HS3ST2: variants seen among roughly 807,000 people sequenced by gnomAD.
The protein encoded by HS3ST2 is heparan sulfate glucosamine 3-O-sulfotransferase 2.
In HS3ST2, 17 loss-of-function variants were observed where a neutral mutation model predicts 26.3. The ratio of observed to expected loss-of-function variants is 0.65; its 90% CI spans 0.44 to 0.97. The LOEUF (loss-of-function observed/expected upper bound fraction) is 0.97. Among genes scored for constraint, HS3ST2 ranks in the 50% least tolerant of loss-of-function variants. HS3ST2 has a pLI of 0.00. For synonymous variants in HS3ST2, 237 were observed against 219.2 expected (o/e 1.08, Z -0.72); for missense variants, 402 against 501.2 (o/e 0.80, Z 1.89).
At position 22,830,117 on chromosome 16, in the gene HS3ST2, G is replaced by A. The variant is rs937231134; in HGVS notation, c.485+15022G>A. On this transcript the variant is annotated intron_variant, in intron 1 of 1. Transcript: ENST00000261374. Reference sequence around the variant, plus strand: ...CATTCATGTACATGCCCACAGACTCGCTGTAGGATGTTGAGTTTGTGATGC... The same window carrying A: ...CATTCATGTACATGCCCACAGACTCACTGTAGGATGTTGAGTTTGTGATGC... 1.3e-4 allele frequency among the ~76,000 whole-genome samples: 20 copies of A among 150,060 alleles called. No individual in the cohort carries two copies. In the South Asian group the frequency reaches 3.2e-3, roughly 24 times the overall value.
chr16:22,886,379 C>CT (rs1902058571), intron 1 of HS3ST2, among the ~76,000 whole-genome samples: 1 of 152,112 alleles, frequency 6.6e-6, no homozygotes, highest in South Asian at 2.1e-4. Context: ...GACACAGGGC[C>CT]TGGATGACCC....
At position 22,909,856 on chromosome 16, in the gene HS3ST2, C is replaced by T. The variant is rs540767181; in HGVS notation, c.486-5088C>T. On this transcript the variant is annotated intron_variant, in intron 1 of 1. Coordinates refer to ENST00000261374, the MANE Select transcript of HS3ST2 (RefSeq NM_006043.2). The stretch of plus-strand genomic sequence containing the variant: ...GGAGTTCGAGACCAGCCTGACCAAC[C>T]TGGTGAAACCCTGTCTACTAAATAC... 1.1e-4 allele frequency among the ~76,000 whole-genome samples: 17 copies of T among 152,044 alleles called. No homozygotes were observed. The South Asian group carries it at 3.5e-3, about 32-fold the overall frequency.
At chr16:22,874,074 G>C (rs1901875999) in intron 1 of HS3ST2, among the ~76,000 whole-genome samples, 1 of 152,182 alleles carries the variant, frequency 6.6e-6, no homozygotes, top group South Asian at 2.1e-4. Flanking sequence ...CAAGTCTGGA[G>C]CCAAGTTTTG....
At chr16:22,896,329 C>A (rs1455076057) in intron 1 of HS3ST2, among the ~76,000 whole-genome samples, 1 of 152,128 alleles carries the variant, frequency 6.6e-6, no homozygotes, top group African/African-American at 2.4e-5. Flanking sequence ...TAAAACTTTT[C>A]TTTTGCCTTC....
chr16:22,898,548 A>C (rs138762425), intron 1 of HS3ST2, among the ~76,000 whole-genome samples: 96 of 152,328 alleles, frequency 6.3e-4, no homozygotes, highest in Non-Finnish European at 1.2e-3. Context: ...AAAGAACAGC[A>C]CAGCCCTAGA....
intron 1 of HS3ST2, among the ~76,000 whole-genome samples, chr16:22,895,449 C>T (rs1487007992): frequency 6.6e-6 from 1 of 152,136 alleles, no homozygotes; most frequent in Non-Finnish European, 1.5e-5. Flanking sequence ...TGGAATTTCA[C>T]AGAAATTCTA....
intron 1 of HS3ST2, among the ~76,000 whole-genome samples, chr16:22,878,713 T>C (rs8063466): frequency 0.014 from 2,124 of 151,486 alleles, 48 homozygotes; most frequent in African/African-American, 0.049. Context: ...GGGAAGGGTG[T>C]TCCAATTTTA....
At chr16:22,820,601 G>A (rs943226505) in intron 1 of HS3ST2, among the ~76,000 whole-genome samples, 4 of 152,256 alleles carry the variant, frequency 2.6e-5, no homozygotes, top group Admixed American at 6.5e-5. Context: ...ATCAGATTTC[G>A]TGAGACTTAT....
chr16:22,841,685 T>TA (rs1482837855), intron 1 of HS3ST2, among the ~76,000 whole-genome samples: 1 of 152,210 alleles, frequency 6.6e-6, no homozygotes, highest in Non-Finnish European at 1.5e-5. Flanking sequence ...GCTTCCTTTT[T>TA]AAAAAACAAG....
At chr16:22,887,786 G>GA (rs10622829) in intron 1 of HS3ST2, among the ~76,000 whole-genome samples, 39,539 of 145,990 alleles carry the variant, frequency 0.27, 7,751 homozygotes, top group African/African-American at 0.56. Context: ...ATCTCTACGG[G>GA]AAAAAAAAAA....
intron 1 of HS3ST2, among the ~76,000 whole-genome samples, chr16:22,864,284 CAT>C (rs2141190480): frequency 6.6e-6 from 1 of 152,284 alleles, no homozygotes; most frequent in South Asian, 2.1e-4. Context: ...AGAGTAGAAA[CAT>C]ATTCAAATTA....
rs570701702 is a variant in HS3ST2 at position 22,879,302 on chromosome 16, A to G, written c.486-35642A>G. Among the ~76,000 whole-genome samples, 5 of 152,298 alleles carry G rather than the reference A, an allele frequency of 3.3e-5. No individual in the cohort carries two copies. The South Asian group carries it at 8.3e-4, about 25-fold the overall frequency. Reference sequence around the variant, plus strand: ...CACCAGGTGTTTCAGTGTCTTGTAGATGGCTTCCAGAGCTTTCTAACAGCT... The same window carrying G: ...CACCAGGTGTTTCAGTGTCTTGTAGGTGGCTTCCAGAGCTTTCTAACAGCT... On this transcript the variant is annotated intron_variant, in intron 1 of 1. Transcript: ENST00000261374.
rs535699464 is a variant in HS3ST2 at position 22,828,806 on chromosome 16, C to A, written c.485+13711C>A. Among the ~76,000 whole-genome samples, 4 of 152,310 alleles carry A rather than the reference C, an allele frequency of 2.6e-5. No individual in the cohort carries two copies. In the South Asian group the frequency reaches 8.3e-4, roughly 32 times the overall value. The stretch of plus-strand genomic sequence containing the variant: ...GCAAAGCTCTGTGGTGGCGCAGTCC[C>A]TACTTTAGGCCCCCTTTCCTGTATT... On this transcript the variant is annotated intron_variant, in intron 1 of 1. Transcript: ENST00000261374.
chr16:22,890,710 T>A (rs1902115842), intron 1 of HS3ST2, among the ~76,000 whole-genome samples: 1 of 152,190 alleles, frequency 6.6e-6, no homozygotes, highest in Non-Finnish European at 1.5e-5. Context: ...GTTAAATAGC[T>A]TACCCGTGAT....
In HS3ST2 at chr16:22,915,321, T is replaced by C; in HGVS notation, c.863T>C (p.Val288Ala). 2 of 1,613,676 alleles carry C rather than the reference T, an allele frequency of 1.2e-6. No homozygotes were observed. Among genetic ancestry groups the C allele is most frequent in the Non-Finnish European group, 1.7e-6 (2 of 1,179,958 alleles). ...GACCCGGCCGGCGAGATGGGGCGAG[T>C]CCAGGACTTCCTGGGCATTAAGAGA... Reference protein sequence around the residue: ...ITDPAGEMGRVQDFLGIKRFI... With the variant: ...ITDPAGEMGRAQDFLGIKRFI... The change falls in exon 2 of 2, where the codon GTC becomes GCC. Residue 288 changes from valine to alanine, a missense_variant. Physicochemically the swap from Val to Ala is moderately conservative, Grantham distance 64 (BLOSUM62 0). This residue lies in a region of HS3ST2 where 237 missense variants were observed against 346.6 expected (regional missense o/e 0.68). Coordinates refer to ENST00000261374, the MANE Select transcript of HS3ST2 (RefSeq NM_006043.2).
intron 1 of HS3ST2, among the ~76,000 whole-genome samples, chr16:22,890,930 A>G (rs1902119340): frequency 1.3e-5 from 2 of 152,234 alleles, no homozygotes; most frequent in African/African-American, 4.8e-5. Context: ...GCACCAGTAG[A>G]CAGAAGAAAT....
At chr16:22,826,518 G>C (rs954575687) in intron 1 of HS3ST2, among the ~76,000 whole-genome samples, 2 of 151,936 alleles carry the variant, frequency 1.3e-5, no homozygotes, top group Non-Finnish European at 2.9e-5. Flanking sequence ...AAATTATTGT[G>C]TTCATTTTCT....
chr16:22,838,953 TC>T (rs1901313893), intron 1 of HS3ST2, among the ~76,000 whole-genome samples: 1 of 152,242 alleles, frequency 6.6e-6, no homozygotes. Flanking sequence ...ACCCCACACT[TC>T]CCTGCAGAGT....
intron 1 of HS3ST2, among the ~76,000 whole-genome samples, chr16:22,830,640 A>T (rs924563421): frequency 1.3e-5 from 2 of 152,170 alleles, no homozygotes; most frequent in African/African-American, 2.4e-5. Flanking sequence ...GAGAGCCTGG[A>T]TGCATGAACC....
Sources: gnomAD v4.1 joint callset for allele counts (sites outside exome capture counted in the v4.1 genomes callset) on GRCh38, gnomAD v4.1.1 for gene constraint, gnomAD v4.1.1 regional missense constraint, MANE v1.5 for transcripts, NCBI Gene and HGNC (gene_info 2026-07-23, HGNC 2026-07-21) for gene names.